Variants in EYA1 observed in about 807,000 individuals in gnomAD.
EYA1 encodes protein phosphatase EYA1.
Under a neutral mutation model 82.0 loss-of-function variants are expected in EYA1, and 16 were observed. The observed-to-expected ratio is 0.20, with a 90% CI of 0.13 to 0.30. The LOEUF is 0.30. EYA1 is among the 10% of genes least tolerant of loss of function. The pLI, the probability that EYA1 is intolerant of heterozygous loss-of-function variation, is 1.00. For synonymous variants in EYA1, 261 were observed against 264.4 expected (o/e 0.99, Z 0.12); for missense variants, 633 against 730.7 (o/e 0.87, Z 1.54).
chr8:71,532,535 A>T (rs1814374936), intron 2 of EYA1, among the ~76,000 whole-genome samples: 1 of 152,238 alleles, frequency 6.6e-6, no homozygotes, highest in Non-Finnish European at 1.5e-5. Flanking sequence ...AAGATTCATA[A>T]TATTATACTA....
At chr8:71,499,970 A>G (rs953763497) in intron 2 of EYA1, among the ~76,000 whole-genome samples, 3 of 152,226 alleles carry the variant, frequency 2.0e-5, no homozygotes, top group African/African-American at 7.2e-5. Flanking sequence ...GCAAAAGTGG[A>G]GAATTATTTT....
intron 16 of EYA1, 149 bp from the exon 17 acceptor site, chr8:71,211,405 G>A: frequency 1.5e-6 from 1 of 662,538 alleles, no homozygotes; most frequent in South Asian, 1.6e-5. Flanking sequence ...TGCCACTTGG[G>A]TTGTATGTGC....
At chr8:71,518,510 T>C (rs902369014) in intron 2 of EYA1, among the ~76,000 whole-genome samples, 2 of 152,124 alleles carry the variant, frequency 1.3e-5, no homozygotes, top group African/African-American at 4.8e-5. Flanking sequence ...TTACCTCCCA[T>C]GAAAGCCTCA....
intron 4 of EYA1, among the ~76,000 whole-genome samples, chr8:71,325,179 G>T (rs550113317): frequency 3.4e-4 from 52 of 152,086 alleles, no homozygotes; most frequent in Non-Finnish European, 5.9e-4. Context: ...GCCCATCCAT[G>T]GCATGTACTT....
At chr8:71,369,327 T>G (rs563025391) in intron 2 of EYA1, among the ~76,000 whole-genome samples, 84 of 152,330 alleles carry the variant, frequency 5.5e-4, no homozygotes, top group African/African-American at 1.9e-3. Flanking sequence ...ATTCTTTTCC[T>G]TAAGTGTGTA....
intron 11 of EYA1, among the ~76,000 whole-genome samples, chr8:71,256,225 A>T (rs893354779): frequency 2.0e-5 from 3 of 152,190 alleles, no homozygotes; most frequent in Non-Finnish European, 4.4e-5. Flanking sequence ...CCCAAAAAAT[A>T]CTAAAAGCAG....
At position 71,421,398 on chromosome 8, in the gene EYA1, G is replaced by A. The variant is rs144865632; in HGVS notation, c.34-64887C>T. 6.4e-4 allele frequency among the ~76,000 whole-genome samples: 98 copies of A among 152,202 alleles called. 1 individual carries two copies. Among genetic ancestry groups the A allele is most frequent in the African/African-American group, 2.3e-3 (96 of 41,536 alleles). On this transcript the variant is annotated intron_variant, in intron 2 of 18. Transcript: ENST00000643681. ...AACTGAAGGCCAAGAAAAGTGATTC[G>A]CTCAAGGCCATCCAACTGTTTAATG...
At chr8:71,373,845 G>A (rs1250062587) in intron 2 of EYA1, among the ~76,000 whole-genome samples, 2 of 152,026 alleles carry the variant, frequency 1.3e-5, no homozygotes, top group African/African-American at 4.8e-5. Flanking sequence ...AGCATATGTG[G>A]TCAAATAATT....
intron 2 of EYA1, among the ~76,000 whole-genome samples, chr8:71,455,596 G>C (rs1483466212): frequency 6.6e-6 from 1 of 152,172 alleles, no homozygotes; most frequent in Non-Finnish European, 1.5e-5. Flanking sequence ...ATGCAAGGCT[G>C]GTTCAATACA....
chr8:71,332,943 A>T (rs79808319), intron 4 of EYA1, among the ~76,000 whole-genome samples: 4,191 of 152,184 alleles, frequency 0.028, 192 homozygotes, highest in African/African-American at 0.095. Flanking sequence ...AAGACTGAGC[A>T]TCCACTCCAA....
intron 2 of EYA1, among the ~76,000 whole-genome samples, chr8:71,460,436 A>G (rs1486113601): frequency 6.6e-6 from 1 of 152,150 alleles, no homozygotes. Context: ...CTTTGTCTGG[A>G]GTGGGGAGAA....
intron 11 of EYA1, 65 bp from the exon 12 acceptor site, chr8:71,244,757 A>T: frequency 1.0e-6 from 1 of 959,812 alleles, no homozygotes; most frequent in East Asian, 2.5e-5. Flanking sequence ...AGAGTGTCTC[A>T]TTAAGAGGAA....
chr8:71,253,521 A>G lies in EYA1; in HGVS notation c.1051-8829T>C, dbSNP rs73288332. On this transcript the variant is annotated intron_variant, in intron 11 of 17. Transcript: ENST00000340726. ...TGATTACTTCCCAGTCAAGATTAGC[A>G]TGTTAGATTGTATATAAATCTCTAA... 7.0e-3 allele frequency among the ~76,000 whole-genome samples: 1,066 copies of G among 152,302 alleles called. 20 individuals carry two copies. The highest frequency in any genetic ancestry group is 0.024 in the African/African-American group (1,000 of 41,556).
chr8:71,292,118 C>T (rs1403425234), intron 9 of EYA1, among the ~76,000 whole-genome samples: 3 of 151,926 alleles, frequency 2.0e-5, no homozygotes, highest in Non-Finnish European at 2.9e-5. Context: ...CAATTTTCTT[C>T]GTAATAATAC....
At chr8:71,370,124 C>G (rs945833404) in intron 2 of EYA1, among the ~76,000 whole-genome samples, 1 of 151,858 alleles carries the variant, frequency 6.6e-6, no homozygotes, top group Non-Finnish European at 1.5e-5. Context: ...TCATATTTCC[C>G]TTTTAAATTC....
intron 2 of EYA1, among the ~76,000 whole-genome samples, chr8:71,394,885 T>C (rs1432739416): frequency 6.6e-6 from 1 of 152,198 alleles, no homozygotes; most frequent in Non-Finnish European, 1.5e-5. Context: ...CCTTGGGCAG[T>C]ATGGCCATTT....
intron 2 of EYA1, among the ~76,000 whole-genome samples, chr8:71,389,445 T>C (rs1022715068): frequency 2.6e-5 from 4 of 152,142 alleles, no homozygotes; most frequent in African/African-American, 9.7e-5. Flanking sequence ...TATTCACTCA[T>C]GAAATGTTTT....
intron 12 of EYA1, among the ~76,000 whole-genome samples, chr8:71,222,794 T>C (rs1448005732): frequency 6.6e-6 from 1 of 152,224 alleles, no homozygotes; most frequent in East Asian, 1.9e-4. Flanking sequence ...CAACTCGCCG[T>C]TTCTTCCCAG....
rs565807115 is a variant in EYA1, at chr8:71,423,257, C to G, written c.34-66746G>C. On this transcript the variant is annotated intron_variant, in intron 2 of 18. Transcript: ENST00000643681. ...ACATTCTCAAAGATTGAATGTAAAT[C>G]TCAAAGATTGAATGGAAACAGCATA... Among the ~76,000 whole-genome samples the G allele has an allele frequency of 3.9e-5, 6 of 152,214 alleles. No homozygotes were observed. The East Asian group carries it at 1.2e-3, about 29-fold the overall frequency.
Sources: gnomAD v4.1 joint callset for allele counts (sites outside exome capture counted in the v4.1 genomes callset) on GRCh38, gnomAD v4.1.1 for gene constraint, MANE v1.5 for transcripts, NCBI Gene and HGNC (gene_info 2026-07-23, HGNC 2026-07-21) for gene names.